The following CAST variants were observed in gnomAD, a reference collection of about 807,000 sequenced individuals.
The protein encoded by CAST is calpastatin.
CAST carries 76 observed loss-of-function variants against 119.6 expected under a neutral mutation model. The ratio of observed to expected loss-of-function variants is 0.64; its 90% CI spans 0.53 to 0.77. CAST has a LOEUF of 0.77. CAST is among the 30% of genes least tolerant of loss of function. The pLI is 0.00. For synonymous variants in CAST, 319 were observed against 331.6 expected (o/e 0.96, Z 0.41); for missense variants, 953 against 946.5 (o/e 1.01, Z -0.09).
upstream of CAST, chr5:96,662,346 T>TGGCAGGACTCCCC: frequency 2.7e-6 from 1 of 365,640 alleles, no homozygotes; most frequent in Non-Finnish European, 4.1e-6. Context: ...CCTCTCTCCC[T>TGGCAGGACTCCCC]GGCAGGACTC....
the CAST span, among the ~76,000 whole-genome samples, chr5:95,991,041 T>C: frequency 6.6e-6 from 1 of 152,214 alleles, no homozygotes; most frequent in Non-Finnish European, 1.5e-5. Flanking sequence ...AATATATGAA[T>C]AGTTTAAAGG....
chr5:96,711,897 T>C (rs1756240754), intron 3 of CAST, among the ~76,000 whole-genome samples: 1 of 152,238 alleles, frequency 6.6e-6, no homozygotes, highest in African/African-American at 2.4e-5. Flanking sequence ...AATAGTTTAG[T>C]TGGCAGTTTC....
the CAST span, among the ~76,000 whole-genome samples, chr5:96,234,396 T>C: frequency 2.0e-5 from 3 of 152,192 alleles, no homozygotes; most frequent in African/African-American, 7.2e-5. Context: ...AATATCTGCC[T>C]TACAGTTTGC....
chr5:96,763,942 G>A (rs186382404), intron 25 of CAST, among the ~76,000 whole-genome samples: 1 of 145,368 alleles, frequency 6.9e-6, no homozygotes, highest in African/African-American at 2.6e-5. Flanking sequence ...AACTGACTTA[G>A]CTTCCCTGAG....
the CAST span, among the ~76,000 whole-genome samples, chr5:96,374,869 C>T: frequency 6.6e-6 from 1 of 152,062 alleles, no homozygotes; most frequent in Non-Finnish European, 1.5e-5. Context: ...TTCCGGCTCT[C>T]AATCTCGGGT....
chr5:96,530,467 G>C lies in CAST; in HGVS notation c.60+587G>C, dbSNP rs1366385820. Among the ~76,000 whole-genome samples, 3 of 152,332 alleles carry C rather than the reference G, an allele frequency of 2.0e-5. No individual in the cohort carries two copies. In the East Asian group the frequency reaches 5.8e-4, roughly 29 times the overall value. On this transcript the variant is annotated intron_variant, in intron 1 of 11. Transcript: ENST00000505143. ...AACATTGAAGTGGAAATGTCAAGTA[G>C]GCAATTGGATAAAGAGTCTGGAGTC...
At chr5:96,275,610 C>A in the CAST span, among the ~76,000 whole-genome samples, 50 of 152,194 alleles carry the variant, frequency 3.3e-4, no homozygotes, top group Non-Finnish European at 5.9e-4. Flanking sequence ...GCTCTCACCC[C>A]TTTCTTGTAA....
At chr5:96,343,105 A>C in the CAST span, among the ~76,000 whole-genome samples, 1 of 152,228 alleles carries the variant, frequency 6.6e-6, no homozygotes, top group Non-Finnish European at 1.5e-5. Flanking sequence ...TAAAATAGCA[A>C]CATGTACAAT....
the CAST span, among the ~76,000 whole-genome samples, chr5:96,119,070 T>C: frequency 9.2e-5 from 14 of 152,200 alleles, no homozygotes; most frequent in Non-Finnish European, 1.6e-4. Context: ...TGGACTATAA[T>C]GGGAATTATC....
At chr5:96,680,324 C>T (rs1751211716) in intron 2 of CAST, among the ~76,000 whole-genome samples, 1 of 125,888 alleles carries the variant, frequency 7.9e-6, no homozygotes, top group South Asian at 2.6e-4. Context: ...CACTGCACTC[C>T]AGCCTGGGCA....
chr5:96,660,343 A>G (rs76148853), upstream of CAST, among the ~76,000 whole-genome samples: 3,357 of 152,250 alleles, frequency 0.022, 137 homozygotes, highest in African/African-American at 0.077. Flanking sequence ...AGGTCTTTCA[A>G]TATCCCTACA....
intron 1 of CAST, among the ~76,000 whole-genome samples, chr5:96,625,074 A>G (rs368117099): frequency 1.2e-4 from 18 of 152,194 alleles, no homozygotes; most frequent in African/African-American, 4.1e-4. Context: ...AACAAGGTGC[A>G]CTTTTGGCTC....
the CAST span, among the ~76,000 whole-genome samples, chr5:96,094,006 C>G: frequency 4.6e-5 from 7 of 151,734 alleles, no homozygotes; most frequent in East Asian, 1.2e-3. Context: ...GATTACAGAG[C>G]CCTTGTCTTA....
In CAST at chr5:96,561,784, A is replaced by ATGTTTTTTTTT. The variant is rs538590237; in HGVS notation, c.60+31905_60+31915dup. Among the ~76,000 whole-genome samples, 235 of 37,612 alleles carry ATGTTTTTTTTT rather than the reference A, an allele frequency of 6.2e-3. 13 individuals carry two copies. The highest frequency in any genetic ancestry group is 0.015 in the African/African-American group (184 of 12,356). 24.7% of individuals were successfully genotyped at this position (37,612 alleles called of 152,430 possible). ...ATATGTATATATGTGTATTATATATATGTTTTTTTTTGTTTTTTTTTTTTT... is the reference window on the plus strand; with the variant it reads ...ATATGTATATATGTGTATTATATATATGTTTTTTTTTTGTTTTTTTTTGTTTTTTTTTTTTT... On this transcript the variant is annotated intron_variant, in intron 1 of 11. Coordinates refer to the CAST transcript ENST00000505143.
intron 1 of CAST, among the ~76,000 whole-genome samples, chr5:96,651,015 G>A (rs192388618): frequency 6.6e-6 from 1 of 152,236 alleles, no homozygotes; most frequent in African/African-American, 2.4e-5. Context: ...ATTGAAGTTG[G>A]ATAATAGTGT....
chr5:96,057,653 C>T, the CAST span, among the ~76,000 whole-genome samples: 1 of 152,146 alleles, frequency 6.6e-6, no homozygotes, highest in Admixed American at 6.5e-5. Context: ...ATGGCAAAAC[C>T]ATGACATCTG....
At chr5:96,149,693 TAA>T in the CAST span, among the ~76,000 whole-genome samples, 2 of 152,184 alleles carry the variant, frequency 1.3e-5, no homozygotes, top group Admixed American at 1.3e-4. Context: ...AAAAATGCTC[TAA>T]GAGAATGTGT....
At chr5:96,531,727 A>G (rs1293473317) in intron 1 of CAST, among the ~76,000 whole-genome samples, 1 of 152,204 alleles carries the variant, frequency 6.6e-6, no homozygotes, top group East Asian at 1.9e-4. Context: ...AACATATGGA[A>G]TAGAAAAGAA....
the CAST span, among the ~76,000 whole-genome samples, chr5:96,027,764 C>T: frequency 6.6e-6 from 1 of 152,126 alleles, no homozygotes; most frequent in South Asian, 2.1e-4. Flanking sequence ...AATATCCTTG[C>T]AACTTTATAT....
Sources: allele counts gnomAD v4.1 joint callset (sites outside exome capture counted in the v4.1 genomes callset), GRCh38; gene constraint gnomAD v4.1.1; transcripts MANE v1.5; gene names NCBI Gene and HGNC (gene_info 2026-07-23, HGNC 2026-07-21).